ERAP1: variants seen among roughly 807,000 people sequenced by gnomAD.
The protein encoded by ERAP1 is endoplasmic reticulum aminopeptidase 1.
In ERAP1, 86 loss-of-function variants were observed where a neutral mutation model predicts 103.7. The ratio of observed to expected loss-of-function variants is 0.83; its 90% CI spans 0.70 to 0.99. The LOEUF (loss-of-function observed/expected upper bound fraction) is 0.99. ERAP1 is among the 50% of genes least tolerant of loss of function. ERAP1 has a pLI of 0.00. For missense variants in ERAP1, 1,009 were observed against 1,128.4 expected (o/e 0.89, Z 1.52); for synonymous variants, 398 against 402.4 (o/e 0.99, Z 0.13).
chr5:96,787,084 A>G (rs1228341794), intron 11 of ERAP1, among the ~76,000 whole-genome samples: 1 of 152,254 alleles, frequency 6.6e-6, no homozygotes, highest in Non-Finnish European at 1.5e-5. Flanking sequence ...ACAACTAAAT[A>G]AAATAAGTGA....
chr5:96,813,650 C>CAAAAAAAAAAAAAA, the ERAP1 span, among the ~76,000 whole-genome samples: 9 of 55,158 alleles, frequency 1.6e-4, 3 homozygotes, highest in African/African-American at 6.4e-4. Context: ...AGACTCATCT[C>CAAAAAAAAAAAAAA]AAAAAAAAAA....
the ERAP1 span, chr5:96,901,587 G>A: frequency 6.2e-7 from 1 of 1,614,138 alleles, no homozygotes; most frequent in Non-Finnish European, 8.5e-7. Context: ...CCTGCTGGTG[G>A]TTAAACAAGA....
chr5:96,857,690 T>C, the ERAP1 span, among the ~76,000 whole-genome samples: 2 of 152,216 alleles, frequency 1.3e-5, no homozygotes, highest in Non-Finnish European at 2.9e-5. Flanking sequence ...ATATGCTGAA[T>C]TGCTACTCTA....
At chr5:96,874,475 C>T in the ERAP1 span, among the ~76,000 whole-genome samples, 1 of 152,224 alleles carries the variant, frequency 6.6e-6, no homozygotes, top group East Asian at 1.9e-4. Context: ...TGCCCCCACG[C>T]CCTGCAGAGT....
upstream of ERAP1, among the ~76,000 whole-genome samples, chr5:96,812,023 C>T (rs1779184035): frequency 6.6e-6 from 1 of 152,194 alleles, no homozygotes; most frequent in East Asian, 1.9e-4. Context: ...AGGTAAGTCA[C>T]CATGACATAT....
chr5:96,912,790 G>C, the ERAP1 span: 3 of 1,595,220 alleles, frequency 1.9e-6, no homozygotes, highest in Non-Finnish European at 2.6e-6. Context: ...ATCAGGAAAA[G>C]TTACTGAAGT....
At chr5:96,847,971 C>A in the ERAP1 span, among the ~76,000 whole-genome samples, 5 of 150,746 alleles carry the variant, frequency 3.3e-5, no homozygotes, top group African/African-American at 9.7e-5. Context: ...AAGATTACAG[C>A]AGAAATAAAT....
the ERAP1 span, among the ~76,000 whole-genome samples, chr5:96,890,640 T>A: frequency 5.6e-4 from 86 of 152,332 alleles, 1 homozygote; most frequent in Admixed American, 7.8e-4. Context: ...CTTTTTCGCC[T>A]CTTGCCCTCA....
At chr5:96,778,092 C>G (rs954270139) in intron 18 of ERAP1, among the ~76,000 whole-genome samples, 1 of 152,190 alleles carries the variant, frequency 6.6e-6, no homozygotes, top group African/African-American at 2.4e-5. Flanking sequence ...GCCCCAAACC[C>G]AGCATGTATC....
At chr5:96,874,526 T>C in the ERAP1 span, among the ~76,000 whole-genome samples, 1 of 152,246 alleles carries the variant, frequency 6.6e-6, no homozygotes, top group African/African-American at 2.4e-5. Flanking sequence ...CTCTTCTTTG[T>C]CGTCTTTGTC....
At chr5:96,899,283 GAAA>G in the ERAP1 span, among the ~76,000 whole-genome samples, 3 of 152,130 alleles carry the variant, frequency 2.0e-5, no homozygotes, top group Non-Finnish European at 4.4e-5. Flanking sequence ...CTAGTTTTAA[GAAA>G]AGTCCCCCAT....
At chr5:96,867,565 G>A in the ERAP1 span, among the ~76,000 whole-genome samples, 2 of 152,100 alleles carry the variant, frequency 1.3e-5, no homozygotes, top group Admixed American at 1.3e-4. Flanking sequence ...CTGTCACCTG[G>A]AAGTACCTAG....
the ERAP1 span, among the ~76,000 whole-genome samples, chr5:96,824,919 T>C: frequency 6.6e-6 from 1 of 152,092 alleles, no homozygotes; most frequent in African/African-American, 2.4e-5. Context: ...CATGCATCTG[T>C]AGTCCAGCTA....
At chr5:96,799,685 G>A (rs1777764631) in intron 3 of ERAP1, among the ~76,000 whole-genome samples, 1 of 152,150 alleles carries the variant, frequency 6.6e-6, no homozygotes, top group Non-Finnish European at 1.5e-5. Flanking sequence ...CTGTCCCAGG[G>A]AGTAATACCA....
At chr5:96,853,507 A>C in the ERAP1 span, among the ~76,000 whole-genome samples, 1 of 152,228 alleles carries the variant, frequency 6.6e-6, no homozygotes, top group East Asian at 1.9e-4. Context: ...AAGTGTGTAC[A>C]GATGAACAAA....
At chr5:96,804,225 G>A (rs543123172) in intron 1 of ERAP1, 12 of 438,452 alleles carry the variant, frequency 2.7e-5, no homozygotes, top group African/African-American at 1.2e-4. Context: ...GAAAGCAACC[G>A]AACAAGCTCT....
the ERAP1 span, among the ~76,000 whole-genome samples, chr5:96,819,987 GAGA>G: frequency 1.9e-4 from 29 of 152,326 alleles, no homozygotes; most frequent in African/African-American, 6.5e-4. Context: ...ACAGATGCAA[GAGA>G]AGGAGTCACT....
the ERAP1 span, among the ~76,000 whole-genome samples, chr5:96,830,000 AT>A: frequency 1.3e-5 from 2 of 152,240 alleles, no homozygotes; most frequent in Admixed American, 1.3e-4. Context: ...AAGAAACCTT[AT>A]CAAATGCATC....
At chr5:96,926,457 C>T in the ERAP1 span, among the ~76,000 whole-genome samples, 4 of 152,226 alleles carry the variant, frequency 2.6e-5, no homozygotes, top group African/African-American at 9.7e-5. Flanking sequence ...TTAGCAGACA[C>T]TTCCCATTCT....
Sources: gnomAD v4.1 joint callset for allele counts (sites outside exome capture counted in the v4.1 genomes callset) on GRCh38, gnomAD v4.1.1 for gene constraint, MANE v1.5 for transcripts, NCBI Gene and HGNC (gene_info 2026-07-23, HGNC 2026-07-21) for gene names.